Variants in ADARB2 observed in about 807,000 individuals in gnomAD.
ADARB2 encodes inactive double-stranded RNA-specific editase B2.
In ADARB2, 25 loss-of-function variants were observed where a neutral mutation model predicts 62.2. The observed-to-expected ratio is 0.40, with a 90% confidence interval of 0.29 to 0.56. ADARB2 has a LOEUF of 0.56. ADARB2 is among the 20% of genes least tolerant of loss of function. The pLI is 0.43. For missense variants in ADARB2, 1,071 were observed against 1,077.4 expected (o/e 0.99, Z 0.08); for synonymous variants, 572 against 500.8 (o/e 1.14, Z -1.90).
chr10:1,420,791 G>T (rs963940716), intron 1 of ADARB2, among the ~76,000 whole-genome samples: 8 of 152,108 alleles, frequency 5.3e-5, no homozygotes, highest in African/African-American at 1.9e-4. Context: ...ATTAACGCCC[G>T]CCCAGGGCTA....
At chr10:1,327,072 A>ACGGCACAGCGC (rs1831864938) in intron 3 of ADARB2, among the ~76,000 whole-genome samples, 1 of 79,156 alleles carries the variant, frequency 1.3e-5, no homozygotes, top group Non-Finnish European at 2.5e-5. Flanking sequence ...GCGCCTCCCC[A>ACGGCACAGCGC]CTGCACAGCG....
In ADARB2 at chr10:1,249,406, C is replaced by A. The variant is rs184637953; in HGVS notation, c.1193-7107G>T. On this transcript the variant is annotated intron_variant, in intron 4 of 9. Coordinates refer to ENST00000381312, the MANE Select transcript of ADARB2 (RefSeq NM_018702.4). ...GGAGTGAGCTGAGATTGCGCCACTG[C>A]TCTCCAGCCTGGGTAACAGAGCAAG... Among the ~76,000 whole-genome samples the A allele has an allele frequency of 1.1e-3, 169 of 149,244 alleles. 2 individuals are homozygous for A. Among genetic ancestry groups the A allele is most frequent in the African/African-American group, 4.0e-3 (162 of 40,166 alleles).
intron 1 of ADARB2, among the ~76,000 whole-genome samples, chr10:1,511,465 G>A (rs528639232): frequency 6.6e-6 from 1 of 152,190 alleles, no homozygotes; most frequent in East Asian, 1.9e-4. Context: ...GAACAGAAAA[G>A]CAAAGTCAAC....
intron 4 of ADARB2, among the ~76,000 whole-genome samples, chr10:1,247,313 A>C (rs1165238042): frequency 2.0e-5 from 3 of 152,122 alleles, no homozygotes; most frequent in South Asian, 2.1e-4. Context: ...TAATTGAATA[A>C]CCTTTATTTC....
intron 1 of ADARB2, among the ~76,000 whole-genome samples, chr10:1,429,801 CT>C: frequency 6.6e-6 from 1 of 152,148 alleles, no homozygotes; most frequent in East Asian, 1.9e-4. Flanking sequence ...TATCTAACTG[CT>C]TTTTTCTATA....
chr10:1,626,097 C>A (rs575238633), intron 1 of ADARB2, among the ~76,000 whole-genome samples: 2 of 147,988 alleles, frequency 1.4e-5, no homozygotes, highest in African/African-American at 5.1e-5. Context: ...TAGACACAGG[C>A]CTCCACTGGA....
intron 3 of ADARB2, among the ~76,000 whole-genome samples, chr10:1,340,924 A>C (rs1589197488): frequency 6.9e-6 from 1 of 145,982 alleles, no homozygotes. Context: ...CAGAGAACAA[A>C]GTGTCCCGCA....
chr10:1,258,182 T>G (rs1831098361), intron 4 of ADARB2, among the ~76,000 whole-genome samples: 1 of 152,176 alleles, frequency 6.6e-6, no homozygotes, highest in Non-Finnish European at 1.5e-5. Flanking sequence ...TTCTTAAGTG[T>G]GCTTAACCAT....
At chr10:1,540,622 C>G (rs77025241) in intron 1 of ADARB2, among the ~76,000 whole-genome samples, 1 of 89,554 alleles carries the variant, frequency 1.1e-5, no homozygotes, top group African/African-American at 3.9e-5. Flanking sequence ...CAGTTCGGAC[C>G]CTGGATCACA....
At chr10:1,370,739 A>G (rs964798585) in intron 2 of ADARB2, among the ~76,000 whole-genome samples, 1 of 152,264 alleles carries the variant, frequency 6.6e-6, no homozygotes, top group African/African-American at 2.4e-5. Context: ...CTAGGAATAC[A>G]TTTAACCAAG....
chr10:1,466,203 C>T (rs938649404), intron 1 of ADARB2, among the ~76,000 whole-genome samples: 4 of 152,236 alleles, frequency 2.6e-5, no homozygotes, highest in South Asian at 2.1e-4. Context: ...AAGCTGGCCT[C>T]GGACACCACA....
chr10:1,432,861 G>T (rs983462558), intron 1 of ADARB2, among the ~76,000 whole-genome samples: 8 of 152,032 alleles, frequency 5.3e-5, no homozygotes, highest in Admixed American at 3.3e-4. Flanking sequence ...CAAGGGCAAG[G>T]GTGGTTCTGC....
intron 1 of ADARB2, chr10:1,556,721 C>G: frequency 1.9e-6 from 1 of 534,544 alleles, no homozygotes; most frequent in South Asian, 1.4e-5. Context: ...CCCTGCCTGC[C>G]CATGTCAACA....
At chr10:1,389,304 T>C (rs1385572059) in intron 1 of ADARB2, among the ~76,000 whole-genome samples, 3 of 152,150 alleles carry the variant, frequency 2.0e-5, no homozygotes, top group Non-Finnish European at 2.9e-5. Context: ...TTTCATCAAA[T>C]TGGAAAAATT....
chr10:1,332,915 C>T (rs1412831073), intron 3 of ADARB2, among the ~76,000 whole-genome samples: 1 of 152,178 alleles, frequency 6.6e-6, no homozygotes, highest in Non-Finnish European at 1.5e-5. Context: ...TTTGAGTTGT[C>T]CATTTTTCCC....
At chr10:1,380,238 C>T (rs970688499) in intron 1 of ADARB2, among the ~76,000 whole-genome samples, 2 of 152,248 alleles carry the variant, frequency 1.3e-5, no homozygotes, top group Non-Finnish European at 1.5e-5. Context: ...GAAATGTCAG[C>T]GTTGCTCATC....
At chr10:1,433,544 T>C (rs1830798147) in intron 1 of ADARB2, among the ~76,000 whole-genome samples, 1 of 151,998 alleles carries the variant, frequency 6.6e-6, no homozygotes, top group South Asian at 2.1e-4. Context: ...GGTGGTGAGG[T>C]TGTCGGTGTT....
chr10:1,499,158 T>TACTCATCATTTATCATTC (rs1378574986), intron 1 of ADARB2, among the ~76,000 whole-genome samples: 2 of 151,282 alleles, frequency 1.3e-5, no homozygotes, highest in Non-Finnish European at 2.9e-5. Context: ...ACTCATTTAT[T>TACTCATCATTTATCATTC]ACTCATCATT....
chr10:1,335,121 TG>T (rs1023640537), intron 3 of ADARB2, among the ~76,000 whole-genome samples: 1 of 151,986 alleles, frequency 6.6e-6, no homozygotes, highest in African/African-American at 2.4e-5. Flanking sequence ...TCAGGGGCAA[TG>T]GGTTTGTCTT....
Sources: gnomAD v4.1 joint callset for allele counts (sites outside exome capture counted in the v4.1 genomes callset) on GRCh38, gnomAD v4.1.1 for gene constraint, MANE v1.5 for transcripts, NCBI Gene and HGNC (gene_info 2026-07-23, HGNC 2026-07-21) for gene names.